RUNX1T1: variants seen among roughly 807,000 people sequenced by gnomAD.
The protein encoded by RUNX1T1 is RUNX1 partner transcriptional co-repressor 1.
Under a neutral mutation model 62.8 loss-of-function variants are expected in RUNX1T1, and 4 were observed. The observed-to-expected ratio is 0.06, with a 90% CI of 0.03 to 0.15. The LOEUF is 0.15. Among genes scored for constraint, RUNX1T1 ranks in the 10% least tolerant of loss-of-function variants. The pLI, the probability that RUNX1T1 is intolerant of heterozygous loss-of-function variation, is 1.00. For missense variants in RUNX1T1, 508 were observed against 754.3 expected, an observed-to-expected ratio of 0.67 and a Z score of 3.82; for synonymous variants, 291 against 286.0, an observed-to-expected ratio of 1.02 and a Z score of -0.18.
intron 1 of RUNX1T1, among the ~76,000 whole-genome samples, chr8:92,096,045 T>G (rs2130939945): frequency 6.6e-6 from 1 of 152,256 alleles, no homozygotes; most frequent in Non-Finnish European, 1.5e-5. Context: ...GGAGTTCTTG[T>G]CCCTTTCTTT....
At chr8:92,006,725 A>G (rs1016944618) in intron 4 of RUNX1T1, 5 of 150,288 alleles carry the variant, frequency 3.3e-5, no homozygotes, top group African/African-American at 9.9e-5. Flanking sequence ...GGTTTGTTAC[A>G]TAAGTAGATG....
At chr8:92,042,980 T>C (rs965686355) in intron 1 of RUNX1T1, among the ~76,000 whole-genome samples, 1 of 152,200 alleles carries the variant, frequency 6.6e-6, no homozygotes, top group African/African-American at 2.4e-5. Context: ...GTGAGCTTTC[T>C]CACACCTTTC....
chr8:92,060,147 T>G (rs1831672931), intron 1 of RUNX1T1, among the ~76,000 whole-genome samples: 3 of 152,096 alleles, frequency 2.0e-5, no homozygotes, highest in African/African-American at 7.2e-5. Context: ...TTTCCTTTTC[T>G]TAAACACAAG....
At chr8:92,060,453 C>T (rs774530914) in intron 1 of RUNX1T1, among the ~76,000 whole-genome samples, 4 of 147,986 alleles carry the variant, frequency 2.7e-5, no homozygotes, top group African/African-American at 1.0e-4. Context: ...TAAAAAAAGG[C>T]CCTAGATATG....
At chr8:92,012,524 GT>G (rs1822154520) in intron 3 of RUNX1T1, among the ~76,000 whole-genome samples, 1 of 151,928 alleles carries the variant, frequency 6.6e-6, no homozygotes, top group Admixed American at 6.6e-5. Flanking sequence ...ACGGGTATGG[GT>G]GACAGAGAAA....
intron 1 of RUNX1T1, chr8:92,095,359 G>A: frequency 6.5e-7 from 1 of 1,535,144 alleles, no homozygotes; most frequent in Non-Finnish European, 8.7e-7. Flanking sequence ...TCTGGCAAAG[G>A]AGCGCGGGAG....
intron 1 of RUNX1T1, among the ~76,000 whole-genome samples, chr8:92,022,641 G>A (rs1417303689): frequency 6.6e-6 from 1 of 152,070 alleles, no homozygotes; most frequent in Non-Finnish European, 1.5e-5. Flanking sequence ...CAGAGACCAG[G>A]CCCTTACCCA....
chr8:92,090,279 G>A (rs574664860), intron 1 of RUNX1T1, among the ~76,000 whole-genome samples: 1 of 150,794 alleles, frequency 6.6e-6, no homozygotes, highest in Non-Finnish European at 1.5e-5. Context: ...TGGTGTACAA[G>A]TCCTCTAACC....
intron 5 of RUNX1T1, among the ~76,000 whole-genome samples, chr8:92,002,252 A>G (rs1819900727): frequency 1.3e-5 from 2 of 152,148 alleles, no homozygotes; most frequent in Non-Finnish European, 2.9e-5. Flanking sequence ...CAGACCTACA[A>G]AATCAGTAAC....
intron 1 of RUNX1T1, chr8:92,095,426 T>G (rs1030299168): frequency 2.0e-6 from 3 of 1,535,434 alleles, no homozygotes; most frequent in Admixed American, 2.0e-5. Flanking sequence ...TAAACACACA[T>G]TGGAGCTTAT....
At chr8:92,058,212 T>C (rs1380972707) in intron 1 of RUNX1T1, among the ~76,000 whole-genome samples, 1 of 152,174 alleles carries the variant, frequency 6.6e-6, no homozygotes, top group Non-Finnish European at 1.5e-5. Flanking sequence ...ATCTGGTATC[T>C]GGCACATTTT....
chr8:92,040,994 C>G (rs748570820), intron 1 of RUNX1T1, among the ~76,000 whole-genome samples: 53 of 152,280 alleles, frequency 3.5e-4, no homozygotes, highest in Non-Finnish European at 7.4e-4. Context: ...CAAGCATTAG[C>G]CACTGCACCC....
intron 2 of RUNX1T1, among the ~76,000 whole-genome samples, chr8:92,074,445 C>T (rs958148001): frequency 2.0e-5 from 3 of 152,072 alleles, no homozygotes; most frequent in Non-Finnish European, 2.9e-5. Context: ...TTTTAATCTG[C>T]ATCTTAGATA....
chr8:92,080,637 T>C (rs1344048702), intron 1 of RUNX1T1, among the ~76,000 whole-genome samples: 2 of 152,252 alleles, frequency 1.3e-5, no homozygotes, highest in African/African-American at 4.8e-5. Flanking sequence ...GGACCCTACA[T>C]TGATGCACTC....
intron 1 of RUNX1T1, among the ~76,000 whole-genome samples, chr8:92,052,633 A>G (rs558472684): frequency 6.6e-6 from 1 of 152,368 alleles, no homozygotes; most frequent in South Asian, 2.1e-4. Context: ...TATAATTTAC[A>G]AAAGTGGTTC....
intron 1 of RUNX1T1, among the ~76,000 whole-genome samples, chr8:92,060,196 A>G (rs569427800): frequency 3.3e-5 from 5 of 152,068 alleles, no homozygotes; most frequent in Admixed American, 6.5e-5. Context: ...GTAAAATGAT[A>G]TTTCTTTATA....
intron 1 of RUNX1T1, among the ~76,000 whole-genome samples, chr8:92,058,816 G>A (rs1012446762): frequency 2.0e-5 from 3 of 152,052 alleles, no homozygotes; most frequent in East Asian, 1.9e-4. Context: ...ACATTTCTAG[G>A]CTATATAATG....
chr8:92,034,791 C>CATATATATACAT (rs145057755), intron 1 of RUNX1T1, among the ~76,000 whole-genome samples: 1 of 115,578 alleles, frequency 8.7e-6, no homozygotes, highest in African/African-American at 3.4e-5. Context: ...TATATATATA[C>CATATATATACAT]ATATATACAC....
At chr8:91,969,586 G>C (rs1298686055) in intron 10 of RUNX1T1, among the ~76,000 whole-genome samples, 1 of 152,126 alleles carries the variant, frequency 6.6e-6, no homozygotes, top group Non-Finnish European at 1.5e-5. Context: ...AGCAGTTAAA[G>C]GGCAGATAAA....
Sources: allele counts gnomAD v4.1 joint callset (sites outside exome capture counted in the v4.1 genomes callset), GRCh38; gene constraint gnomAD v4.1.1; transcripts MANE v1.5; gene names NCBI Gene and HGNC (gene_info 2026-07-23, HGNC 2026-07-21).